ABHD16A: variants seen among roughly 807,000 people sequenced by gnomAD.
ABHD16A encodes phosphatidylserine lipase ABHD16A.
In ABHD16A, 47 loss-of-function variants were observed where a neutral mutation model predicts 89.8. The ratio of observed to expected loss-of-function variants is 0.52; its 90% CI spans 0.41 to 0.67. The LOEUF (loss-of-function observed/expected upper bound fraction) is 0.67. Among genes scored for constraint, ABHD16A ranks in the 30% least tolerant of loss-of-function variants. The pLI is 0.00. For synonymous variants in ABHD16A, 251 were observed against 280.4 expected, an observed-to-expected ratio of 0.90 and a Z score of 1.05; for missense variants, 580 against 734.6, an observed-to-expected ratio of 0.79 and a Z score of 2.43.
chr6:31,687,699 G>C lies in ABHD16A; in HGVS notation c.1489C>G (p.Leu497Val), dbSNP rs1439104646. ...SRWEVEEDWC[L>V]SVLRSYQAEH... ...GCCTGGTAGGAGCGGAGGACAGACAGACACCAGTCCTCTTCCACCTCCCAT... is the reference window on the plus strand; with the variant it reads ...GCCTGGTAGGAGCGGAGGACAGACACACACCAGTCCTCTTCCACCTCCCAT... Residue 497 changes from leucine to valine, a missense_variant, in exon 18 of 20, where the codon CTG becomes GTG. Coordinates refer to ENST00000395952, the MANE Select transcript of ABHD16A (RefSeq NM_021160.3). This position sits in a 1 kb window ranked among gnomAD's most constrained non-coding sequence, Gnocchi z 6.3. 6.8e-6 allele frequency: 11 copies of C among 1,612,774 alleles called. No individual in the cohort carries two copies. The highest frequency in any genetic ancestry group is 9.3e-6 in the Non-Finnish European group (11 of 1,179,940).
At chr6:31,702,971 A>C in intron 1 of ABHD16A, 179 bp downstream of exon 1, 1 of 1,327,120 alleles carries the variant, frequency 7.5e-7, no homozygotes, top group African/African-American at 1.5e-5. Context: ...AAAAGAAAGG[A>C]GGCGGCCAGT....
chr6:31,694,124 T>G (rs1269913660), intron 5 of ABHD16A, among the ~76,000 whole-genome samples: 1 of 151,368 alleles, frequency 6.6e-6, no homozygotes, highest in Non-Finnish European at 1.5e-5. Flanking sequence ...GGTGCAATCA[T>G]AGCTCACTGC....
chr6:31,690,665 G>C lies in ABHD16A; in HGVS notation c.844-63C>G, dbSNP rs1454674299. 6.9e-7 allele frequency: 1 copy of C among 1,451,768 alleles called. No individual in the cohort carries two copies. Among genetic ancestry groups the C allele is most frequent in the Non-Finnish European group, 9.7e-7 (1 of 1,034,322 alleles). The allele number at this position is 1,451,768 out of a possible 1,614,324, so 89.9% of individuals were successfully genotyped here. On this transcript the variant is annotated intron_variant, in intron 9 of 19. Transcript: ENST00000395952. This position sits in a 1 kb window ranked among gnomAD's most constrained non-coding sequence, Gnocchi z 4.1. The stretch of plus-strand genomic sequence containing the variant: ...GTTGGGACTGAAAAACTCCCTTTGG[G>C]CAGGGAGGGCAGCCCATGAAGAGCT...
intron 4 of ABHD16A, among the ~76,000 whole-genome samples, chr6:31,699,868 C>G (rs1412499013): frequency 4.0e-5 from 6 of 151,304 alleles, no homozygotes; most frequent in Non-Finnish European, 8.8e-5. Context: ...CTCAGCCTCC[C>G]GAATAGCTGG....
chr6:31,689,572 G>C lies in ABHD16A; in HGVS notation c.1081+9C>G. 6.3e-7 allele frequency: 1 copy of C among 1,579,886 alleles called. No individual in the cohort carries two copies. Among genetic ancestry groups the C allele is most frequent in the Non-Finnish European group, 8.6e-7 (1 of 1,163,422 alleles). On this transcript the variant is annotated intron_variant, in intron 12 of 19. Transcript: ENST00000395952. The stretch of plus-strand genomic sequence containing the variant: ...TGTCTACAGTGGGGGATGGGAGGGA[G>C]GCTGGTACCAGTGAAGCCGCCGATG...
chr6:31,702,229 G>T, intron 1 of ABHD16A, 99 bp from the exon 2 acceptor site: 1 of 1,165,004 alleles, frequency 8.6e-7, no homozygotes, highest in Non-Finnish European at 1.3e-6. Flanking sequence ...TTCTAGTCTC[G>T]TTGACTATCT....
Position 31,688,856 on chromosome 6 carries a change from C to G in ABHD16A, c.1187-70G>C. ...GCCCAACATAAAGGTCCTCACTATT[C>G]ACGGAGAAAGAAAACTGAGGCCCCC... On this transcript the variant is annotated intron_variant, in intron 13 of 19. Transcript: ENST00000395952. This position sits in a 1 kb window ranked among gnomAD's most constrained non-coding sequence, Gnocchi z 4.9. 1 of 1,537,506 alleles carries G rather than the reference C, an allele frequency of 6.5e-7. No homozygotes were observed. Among genetic ancestry groups the G allele is most frequent in the Non-Finnish European group, 8.9e-7 (1 of 1,123,970 alleles).
At chr6:31,702,598 T>C in intron 1 of ABHD16A, 1 of 1,450,222 alleles carries the variant, frequency 6.9e-7, no homozygotes, top group East Asian at 2.6e-5. Flanking sequence ...AAGAGAATAT[T>C]TAGAACAGCC....
chr6:31,692,526 C>A (rs1299096501), intron 7 of ABHD16A, among the ~76,000 whole-genome samples: 1 of 152,176 alleles, frequency 6.6e-6, no homozygotes, highest in Non-Finnish European at 1.5e-5. Flanking sequence ...TTGGGATTTA[C>A]CATGTGCTCT....
chr6:31,691,320 A>T, intron 9 of ABHD16A: 1 of 467,504 alleles, frequency 2.1e-6, no homozygotes, highest in Non-Finnish European at 3.8e-6. Flanking sequence ...TATATATGAG[A>T]ATTAAATATA....
chr6:31,687,159 T>C lies in ABHD16A; in HGVS notation c.*53A>G. The C allele has an allele frequency of 6.6e-7, 1 of 1,513,358 alleles. No homozygotes were observed. The highest frequency in any genetic ancestry group is 9.1e-7 in the Non-Finnish European group (1 of 1,097,736). The allele number at this position is 1,513,358 out of a possible 1,614,324, so 93.7% of individuals were successfully genotyped here. A position where few individuals can be genotyped will look rare whatever the true frequency, so the allele number is the denominator to read the frequency against. ...ACAGAGAATCACAAATAAGAGGGTC[T>C]TTCCTCATGTCTCCTCTCACCCCAT... is the stretch of plus-strand genomic sequence containing the variant. On this transcript the variant is annotated 3_prime_UTR_variant, in exon 20 of 20. Coordinates refer to ENST00000395952, the MANE Select transcript of ABHD16A (RefSeq NM_021160.3). The surrounding 1 kb of genome is among the most constrained non-coding windows in gnomAD (Gnocchi z 6.3).
chr6:31,701,316 A>G lies in ABHD16A; in HGVS notation c.214T>C (p.Tyr72His). 6.2e-7 allele frequency: 1 copy of G among 1,613,664 alleles called. No homozygotes were observed. The highest frequency in any genetic ancestry group is 2.2e-5 in the East Asian group (1 of 44,824). ...AAGAAGGCGAAGGGAGAGGAGTAAT[A>G]AGAGATGGACCAGAATACTGAAGCC... ...ALASVFWSISYYSSPFAFFYL... is the reference protein window; with the variant it reads ...ALASVFWSISHYSSPFAFFYL... Residue 72 changes from tyrosine (Y) to histidine (H), a missense_variant, in exon 3 of 20, where the codon TAT (tyrosine) becomes CAT (histidine). Physicochemically the swap from Tyr to His is moderately conservative, Grantham distance 83. Transcript: ENST00000395952.
rs1424963382 is a variant in ABHD16A, at chr6:31,698,305, G to A, written c.344-1272C>T. 6.6e-6 allele frequency among the ~76,000 whole-genome samples: 1 copy of A among 150,618 alleles called. No individual in the cohort carries two copies. Among genetic ancestry groups the A allele is most frequent in the Non-Finnish European group, 1.5e-5 (1 of 67,826 alleles). ...ATTATTACTTCTGAGGAAAGAGGAA[G>A]ATGGGACTGAAAGGATTCCAATGGG... is the stretch of plus-strand genomic sequence containing the variant. On this transcript the variant is annotated intron_variant, in intron 4 of 19. Coordinates refer to ENST00000395952, the MANE Select transcript of ABHD16A (RefSeq NM_021160.3). The surrounding 1 kb of genome is among the most constrained non-coding windows in gnomAD (Gnocchi z 4.1).
Position 31,687,920 on chromosome 6 carries a change from A to G in ABHD16A, c.1371-20T>C. 2 of 1,612,784 alleles carry G rather than the reference A, an allele frequency of 1.2e-6. No individual in the cohort carries two copies. The highest frequency in any genetic ancestry group is 1.7e-6 in the Non-Finnish European group (2 of 1,180,022). The stretch of plus-strand genomic sequence containing the variant: ...GGATACCTACGGAGGAAGTGCCAGG[A>G]CAGGTCAGGGCTGATTTTTTTTCAT... On this transcript the variant is annotated intron_variant, in intron 16 of 19. Transcript: ENST00000395952. This position sits in a 1 kb window ranked among gnomAD's most constrained non-coding sequence, Gnocchi z 6.3.
rs1397831581 is a variant in ABHD16A at position 31,693,700 on chromosome 6, A to T, written c.430-268T>A. Among the ~76,000 whole-genome samples, 5 of 152,178 alleles carry T rather than the reference A, an allele frequency of 3.3e-5. No individual in the cohort carries two copies. Among genetic ancestry groups the T allele is most frequent in the Non-Finnish European group, 7.3e-5 (5 of 68,030 alleles). ...TAACACTCTGCTTTTCTAAAAAACT[A>T]AGTCTGACCCATCCCCAGGAGGAGT... On this transcript the variant is annotated intron_variant, in intron 5 of 19. Transcript: ENST00000395952. The surrounding 1 kb of genome is among the most constrained non-coding windows in gnomAD (Gnocchi z 5.0).
intron 9 of ABHD16A, among the ~76,000 whole-genome samples, chr6:31,691,053 C>A (rs1277287381): frequency 2.0e-5 from 3 of 152,148 alleles, no homozygotes; most frequent in African/African-American, 7.2e-5. Flanking sequence ...TTTGCATGAA[C>A]TCTCATAACA....
intron 5 of ABHD16A, among the ~76,000 whole-genome samples, chr6:31,695,822 G>A (rs962900958): frequency 8.6e-5 from 13 of 152,030 alleles, no homozygotes; most frequent in African/African-American, 3.1e-4. Context: ...TCTGCAGTCA[G>A]GAGTTCAAGA....
rs775502904 is a variant in ABHD16A at position 31,687,935 on chromosome 6, T to A, written c.1371-35A>T. On this transcript the variant is annotated intron_variant, in intron 16 of 19. Transcript: ENST00000395952. The surrounding 1 kb of genome is among the most constrained non-coding windows in gnomAD (Gnocchi z 6.3). The stretch of plus-strand genomic sequence containing the variant: ...AAGTGCCAGGACAGGTCAGGGCTGA[T>A]TTTTTTTCATTCACCATCCCTGAAC... 6 of 1,612,170 alleles carry A rather than the reference T, an allele frequency of 3.7e-6. No homozygotes were observed. In the East Asian group the frequency reaches 1.3e-4, roughly 36 times the overall value.
Position 31,693,442 on chromosome 6 carries a change from G to A in ABHD16A, c.430-10C>T. ...AGTTGGCAAGCTGCCTCTGCAGTGGGCACGAGAGGCAAAGGGGTACTGAGA... is the reference window on the plus strand; with the variant it reads ...AGTTGGCAAGCTGCCTCTGCAGTGGACACGAGAGGCAAAGGGGTACTGAGA... On this transcript the variant is annotated splice_polypyrimidine_tract_variant and intron_variant, in intron 5 of 19. Transcript: ENST00000395952. The surrounding 1 kb of genome is among the most constrained non-coding windows in gnomAD (Gnocchi z 5.0). 3.1e-6 allele frequency: 5 copies of A among 1,612,712 alleles called. No individual in the cohort carries two copies. Among genetic ancestry groups the A allele is most frequent in the Non-Finnish European group, 4.2e-6 (5 of 1,179,896 alleles).
Sources: allele counts gnomAD v4.1 joint callset (sites outside exome capture counted in the v4.1 genomes callset), GRCh38; gene constraint gnomAD v4.1.1; non-coding constraint Gnocchi (gnomAD v3.1); transcripts MANE v1.5; gene names NCBI Gene and HGNC (gene_info 2026-07-23, HGNC 2026-07-21).